Variants in SDK1 observed in about 807,000 individuals in gnomAD.
SDK1 encodes sidekick cell adhesion molecule 1, also known as protein sidekick-1.
In SDK1, 157 loss-of-function variants were observed where a neutral mutation model predicts 245.5. That is an observed-to-expected ratio of 0.64 (90% CI 0.56 to 0.73). SDK1 has a LOEUF of 0.73. Ranked by LOEUF, SDK1 falls within the 30% of genes least tolerant of loss-of-function variation. The pLI, the probability that SDK1 is intolerant of heterozygous loss-of-function variation, is 0.00. For missense variants in SDK1, 3,583 were observed against 3,002.3 expected (o/e 1.19, Z -4.52); for synonymous variants, 1,647 against 1,278.5 (o/e 1.29, Z -6.15).
At chr7:3,658,549 G>A (rs1190176162) in intron 4 of SDK1, among the ~76,000 whole-genome samples, 1 of 150,252 alleles carries the variant, frequency 6.7e-6, no homozygotes, top group East Asian at 1.9e-4. Flanking sequence ...TTTCACAAAA[G>A]CACCTAATTC....
At chr7:3,717,338 C>T (rs1048754042) in intron 4 of SDK1, among the ~76,000 whole-genome samples, 1 of 152,076 alleles carries the variant, frequency 6.6e-6, no homozygotes, top group Non-Finnish European at 1.5e-5. Context: ...TCTAAATAAT[C>T]CATGTGTCAA....
intron 1 of SDK1, among the ~76,000 whole-genome samples, chr7:3,475,539 G>T (rs186832561): frequency 1.3e-5 from 2 of 152,140 alleles, no homozygotes; most frequent in African/African-American, 2.4e-5. Flanking sequence ...TTCCTCTAAC[G>T]TCTTTTCTAA....
intron 35 of SDK1, among the ~76,000 whole-genome samples, chr7:4,180,046 CAGAGA>C (rs1782499093): frequency 6.6e-6 from 1 of 152,078 alleles, no homozygotes; most frequent in Non-Finnish European, 1.5e-5. Flanking sequence ...GGCAGACGTC[CAGAGA>C]AAAGAGCTTC....
At chr7:3,544,637 A>G (rs1164107275) in intron 1 of SDK1, among the ~76,000 whole-genome samples, 3 of 152,250 alleles carry the variant, frequency 2.0e-5, no homozygotes, top group African/African-American at 7.2e-5. Context: ...AGTCTTCATA[A>G]TCCTCTTTGT....
intron 7 of SDK1, 69 bp from the exon 8 acceptor site, chr7:3,958,862 C>G (rs12539816): frequency 8.1e-7 from 1 of 1,230,846 alleles, no homozygotes; most frequent in Non-Finnish European, 1.2e-6. Context: ...CCCACACTAT[C>G]TTAGGTTATA....
intron 1 of SDK1, among the ~76,000 whole-genome samples, chr7:3,528,334 G>C (rs1210104126): frequency 6.6e-6 from 1 of 150,516 alleles, no homozygotes; most frequent in Non-Finnish European, 1.5e-5. Flanking sequence ...ATGATCGTCA[G>C]CTGGGGGTTG....
chr7:3,998,524 T>G (rs889454597), intron 14 of SDK1, among the ~76,000 whole-genome samples: 4 of 152,154 alleles, frequency 2.6e-5, no homozygotes, highest in African/African-American at 9.7e-5. Context: ...GTGAGAGAAT[T>G]CAGAAGATCA....
intron 1 of SDK1, among the ~76,000 whole-genome samples, chr7:3,457,052 G>C (rs76090337): frequency 6.6e-6 from 1 of 152,144 alleles, no homozygotes. Context: ...ACTTTAATGG[G>C]GGAAGGGAGT....
chr7:3,799,263 C>G (rs1044642558), intron 4 of SDK1, among the ~76,000 whole-genome samples: 1 of 152,000 alleles, frequency 6.6e-6, no homozygotes. Flanking sequence ...CCAACTGAAT[C>G]TGGAAAGAAA....
chr7:3,807,990 T>C (rs1779293127), intron 4 of SDK1, among the ~76,000 whole-genome samples: 1 of 152,172 alleles, frequency 6.6e-6, no homozygotes, highest in South Asian at 2.1e-4. Context: ...ACCTGCGCAT[T>C]GGTGCTGTCA....
chr7:4,245,534 TGCATCAG>T, intron 43 of SDK1, 135 bp from the exon 44 acceptor site: 1 of 867,952 alleles, frequency 1.2e-6, no homozygotes. Context: ...CAGAATTTTT[TGCATCAG>T]TTGCCAAAGT....
rs59085880 is a variant in SDK1 at position 4,058,082 on chromosome 7, G to GA, written c.2911+6260dup. On this transcript the variant is annotated intron_variant, in intron 19 of 44. Coordinates refer to ENST00000404826, the MANE Select transcript of SDK1 (RefSeq NM_152744.4). ...ATGAAAAAGAAATTATGAAATCCCA[G>GA]AAAAAAAATAAAAAATAATGATATT... 3.5e-4 allele frequency among the ~76,000 whole-genome samples: 53 copies of GA among 149,766 alleles called. No individual in the cohort carries two copies. In the South Asian group the frequency reaches 4.8e-3, roughly 14 times the overall value.
chr7:4,116,272 C>T (rs548616011), intron 25 of SDK1, among the ~76,000 whole-genome samples: 23 of 152,288 alleles, frequency 1.5e-4, no homozygotes, highest in Middle Eastern at 3.4e-3. Context: ...TCATCTTATC[C>T]GTGCCAGGTG....
chr7:3,423,814 T>C (rs1483037779), intron 1 of SDK1, among the ~76,000 whole-genome samples: 2 of 152,222 alleles, frequency 1.3e-5, no homozygotes, highest in Non-Finnish European at 2.9e-5. Flanking sequence ...TTTTCTAACG[T>C]TGTGTTCTCT....
chr7:3,437,358 A>G (rs187880407), intron 1 of SDK1, among the ~76,000 whole-genome samples: 43 of 152,338 alleles, frequency 2.8e-4, no homozygotes, highest in Non-Finnish European at 5.1e-4. Flanking sequence ...GCGAGTTTCT[A>G]TAAAGAATGT....
At chr7:3,351,576 G>A (rs933336035) in intron 1 of SDK1, among the ~76,000 whole-genome samples, 1 of 152,128 alleles carries the variant, frequency 6.6e-6, no homozygotes, top group East Asian at 1.9e-4. Context: ...AGATACAGAA[G>A]GCAAAATAAT....
chr7:4,047,219 G>T (rs1349575654), intron 17 of SDK1, among the ~76,000 whole-genome samples: 1 of 151,952 alleles, frequency 6.6e-6, no homozygotes, highest in African/African-American at 2.4e-5. Flanking sequence ...ATTAAATTTT[G>T]CCGAATGCTT....
At chr7:3,578,956 G>A (rs745603647) in intron 1 of SDK1, among the ~76,000 whole-genome samples, 9 of 151,908 alleles carry the variant, frequency 5.9e-5, no homozygotes, top group Non-Finnish European at 1.3e-4. Flanking sequence ...AGAGATTAAA[G>A]TAAGACAGGT....
chr7:3,463,779 A>G (rs946249131), intron 1 of SDK1, among the ~76,000 whole-genome samples: 3 of 152,104 alleles, frequency 2.0e-5, no homozygotes, highest in Admixed American at 2.0e-4. Context: ...TCTCTGCCTT[A>G]GTGTCTGATG....
Sources: allele counts gnomAD v4.1 joint callset (sites outside exome capture counted in the v4.1 genomes callset), GRCh38; gene constraint gnomAD v4.1.1; transcripts MANE v1.5; gene names NCBI Gene and HGNC (gene_info 2026-07-23, HGNC 2026-07-21).